CSMD1: variants seen among roughly 807,000 people sequenced by gnomAD.
CSMD1 encodes CUB and sushi domain-containing protein 1.
In CSMD1, 213 loss-of-function variants were observed where a neutral mutation model predicts 417.5. The observed-to-expected ratio is 0.51, with a 90% CI of 0.46 to 0.57. The LOEUF (loss-of-function observed/expected upper bound fraction) is 0.57, where lower values mean the gene tolerates loss of function less well. Ranked by LOEUF, CSMD1 falls within the 20% of genes least tolerant of loss-of-function variation. The pLI is 0.00. For synonymous variants in CSMD1, 2,862 were observed against 1,736.8 expected (o/e 1.65, Z -16.11); for missense variants, 6,923 against 4,529.7 (o/e 1.53, Z -15.17).
At position 3,307,749 on chromosome 8, in the gene CSMD1, T is replaced by C. The variant is rs1263940700; in HGVS notation, c.3896A>G (p.Asp1299Gly). 1 of 1,613,808 alleles carries C rather than the reference T, an allele frequency of 6.2e-7. No individual in the cohort carries two copies. The highest frequency in any genetic ancestry group is 8.5e-7 in the Non-Finnish European group (1 of 1,179,754). ...ILSPGYPAPY[D>G]NNLHCTWIIE... ...AATCCAGGTGCAGTGGAGGTTGTTG[T>C]CATACGGAGCTGGATAGCCAGGGGA... The change falls in exon 25 of 70, where the codon GAC (aspartate) becomes GGC (glycine). Residue 1299 changes from aspartate (D) to glycine (G), a missense_variant. Coordinates refer to ENST00000635120, the MANE Select transcript of CSMD1 (RefSeq NM_033225.6).
At chr8:3,949,251 T>C (rs1048046156) in intron 5 of CSMD1, among the ~76,000 whole-genome samples, 2 of 152,152 alleles carry the variant, frequency 1.3e-5, no homozygotes, top group Non-Finnish European at 1.5e-5. Flanking sequence ...AAATACAATA[T>C]AATGTTATCA....
At chr8:3,689,925 G>A (rs139542884) in intron 7 of CSMD1, among the ~76,000 whole-genome samples, 108 of 152,272 alleles carry the variant, frequency 7.1e-4, no homozygotes, top group African/African-American at 1.7e-3. Flanking sequence ...AAATAATCAC[G>A]TTCATCAATT....
chr8:3,943,271 TAA>T (rs1313940846), intron 5 of CSMD1, among the ~76,000 whole-genome samples: 1 of 151,964 alleles, frequency 6.6e-6, no homozygotes, highest in Non-Finnish European at 1.5e-5. Flanking sequence ...CTATATTTTA[TAA>T]AGTGTATGCA....
chr8:3,405,716 G>A (rs1482333920), intron 15 of CSMD1, among the ~76,000 whole-genome samples: 1 of 152,174 alleles, frequency 6.6e-6, no homozygotes, highest in Non-Finnish European at 1.5e-5. Flanking sequence ...TCTGGAGGCA[G>A]AGATGAGGGT....
intron 25 of CSMD1, among the ~76,000 whole-genome samples, chr8:3,299,839 G>C (rs905096051): frequency 8.5e-5 from 13 of 152,162 alleles, no homozygotes; most frequent in African/African-American, 2.9e-4. Context: ...GGACTGAAAA[G>C]CCTTTGTCCA....
At chr8:4,223,463 G>A (rs576689457) in intron 3 of CSMD1, among the ~76,000 whole-genome samples, 8 of 152,374 alleles carry the variant, frequency 5.3e-5, no homozygotes, top group African/African-American at 9.6e-5. Context: ...CCCAGACCAT[G>A]CCATGGCTGG....
At chr8:4,145,179 C>G (rs1000816993) in intron 3 of CSMD1, among the ~76,000 whole-genome samples, 4 of 151,030 alleles carry the variant, frequency 2.6e-5, no homozygotes, top group African/African-American at 9.9e-5. Context: ...CATTCAATTA[C>G]TAAAACACTA....
In CSMD1 at chr8:3,146,793, A is replaced by C. The variant is rs193302711; in HGVS notation, c.6032-4119T>G. ...TTTCCACATGATGCCAAACCAGTTA[A>C]TCGCTTTTGCTTATTTAAATTGTGG... On this transcript the variant is annotated intron_variant, in intron 40 of 69. Coordinates refer to ENST00000635120, the MANE Select transcript of CSMD1 (RefSeq NM_033225.6). 3.4e-3 allele frequency among the ~76,000 whole-genome samples: 516 copies of C among 152,336 alleles called. 3 individuals are homozygous for C. Among genetic ancestry groups the C allele is most frequent in the African/African-American group, 0.012 (495 of 41,572 alleles).
At chr8:3,277,839 A>G (rs1584915896) in intron 26 of CSMD1, among the ~76,000 whole-genome samples, 1 of 152,198 alleles carries the variant, frequency 6.6e-6, no homozygotes, top group South Asian at 2.1e-4. Flanking sequence ...AATTATGTCC[A>G]AGGGTTACAT....
intron 30 of CSMD1, among the ~76,000 whole-genome samples, chr8:3,207,854 G>A (rs570633552): frequency 1.3e-5 from 2 of 152,140 alleles, no homozygotes; most frequent in South Asian, 4.1e-4. Flanking sequence ...AGGTTTTTAT[G>A]ATTTTAAATA....
intron 1 of CSMD1, among the ~76,000 whole-genome samples, chr8:4,842,866 G>T (rs7001502): frequency 4.1e-4 from 62 of 152,228 alleles, no homozygotes; most frequent in African/African-American, 1.4e-3. Flanking sequence ...AACGCTTAAA[G>T]GCTTATCAAT....
intron 26 of CSMD1, among the ~76,000 whole-genome samples, chr8:3,273,667 G>C (rs1473881834): frequency 7.2e-5 from 11 of 152,314 alleles, no homozygotes; most frequent in Admixed American, 4.6e-4. Flanking sequence ...TTGGGAGAGT[G>C]TATGTGTCCA....
intron 25 of CSMD1, among the ~76,000 whole-genome samples, chr8:3,298,685 C>G (rs956712644): frequency 6.6e-6 from 1 of 152,214 alleles, no homozygotes; most frequent in African/African-American, 2.4e-5. Flanking sequence ...AACTCCTGAT[C>G]TCAGGTAATC....
At chr8:3,716,137 G>C (rs903203580) in intron 6 of CSMD1, among the ~76,000 whole-genome samples, 5 of 152,124 alleles carry the variant, frequency 3.3e-5, no homozygotes, top group African/African-American at 1.2e-4. Context: ...CCCTGTTTGG[G>C]TTCCTTCTAA....
At chr8:3,728,869 G>C (rs980856787) in intron 6 of CSMD1, among the ~76,000 whole-genome samples, 1 of 152,176 alleles carries the variant, frequency 6.6e-6, no homozygotes, top group Non-Finnish European at 1.5e-5. Context: ...CATGGACTAA[G>C]GCAGGGATAC....
At chr8:4,849,534 G>A (rs1219988530) in intron 1 of CSMD1, among the ~76,000 whole-genome samples, 1 of 152,126 alleles carries the variant, frequency 6.6e-6, no homozygotes, top group South Asian at 2.1e-4. Context: ...CTTCCAGGTT[G>A]CAAACTCCAT....
chr8:4,815,718 A>G (rs1799168976), intron 1 of CSMD1, among the ~76,000 whole-genome samples: 1 of 143,040 alleles, frequency 7.0e-6, no homozygotes, highest in East Asian at 2.1e-4. Flanking sequence ...AAAAAAAAAA[A>G]GAAGAGAAAG....
chr8:4,437,758 G>A (rs1418583074), intron 2 of CSMD1, among the ~76,000 whole-genome samples: 5 of 152,072 alleles, frequency 3.3e-5, no homozygotes, highest in African/African-American at 4.8e-5. Flanking sequence ...TGTTTGTGGT[G>A]TGAAGACAGA....
Position 4,319,518 on chromosome 8 carries a change from T to C in CSMD1, c.415+100435A>G, listed in dbSNP as rs142304820. Among the ~76,000 whole-genome samples the C allele has an allele frequency of 3.2e-3, 491 of 151,974 alleles. 4 individuals are homozygous for C. The highest frequency in any genetic ancestry group is 0.011 in the African/African-American group (473 of 41,430). On this transcript the variant is annotated intron_variant, in intron 3 of 69. Transcript: ENST00000635120. ...CCAGATTTACTCTCAGAGCAGAAAA[T>C]AAACAAACAAACAAACAAAGTCACA...
Sources: gnomAD v4.1 joint callset for allele counts (sites outside exome capture counted in the v4.1 genomes callset) on GRCh38, gnomAD v4.1.1 for gene constraint, MANE v1.5 for transcripts, NCBI Gene and HGNC (gene_info 2026-07-23, HGNC 2026-07-21) for gene names.